Variants in MGST1 observed in about 807,000 individuals in gnomAD.
MGST1 encodes the protein glutathione S-transferase 12.
A neutral mutation model predicts 8.9 loss-of-function variants in MGST1; 5 were observed. The ratio of observed to expected loss-of-function variants is 0.56; its 90% CI spans 0.29 to 1.19. The LOEUF (loss-of-function observed/expected upper bound fraction) is 1.19. Ranked by LOEUF, MGST1 falls within the 50% of genes most tolerant of loss-of-function variation. The probability of loss-of-function intolerance (pLI) is 0.08; values close to 1 mark genes in which losing one functional copy is unlikely to be tolerated. For synonymous variants in MGST1, 54 were observed against 67.8 expected, an observed-to-expected ratio of 0.80 and a Z score of 1.00; for missense variants, 182 against 187.4, an observed-to-expected ratio of 0.97 and a Z score of 0.17.
chr12:16,535,397 T>C lies in MGST1; in HGVS notation n.483-54131T>C, dbSNP rs146146144. On this transcript the variant is annotated intron_variant and non_coding_transcript_variant, in intron 4 of 4. Transcript: ENST00000538857. ...GGGAAAGGTAATGATATTTAGAAAT[T>C]TGGGGGACCTACTAAGAATTATAAA... Among the ~76,000 whole-genome samples the C allele has an allele frequency of 2.6e-3, 392 of 152,182 alleles. 3 individuals are homozygous for C. Among genetic ancestry groups the C allele is most frequent in the African/African-American group, 9.2e-3 (384 of 41,520 alleles).
chr12:16,502,336 T>C (rs1316036223), intron 4 of MGST1, among the ~76,000 whole-genome samples: 1 of 152,210 alleles, frequency 6.6e-6, no homozygotes, highest in Non-Finnish European at 1.5e-5. Context: ...AATTTGAAGT[T>C]AACTCCCCAA....
chr12:16,559,058 G>C lies in MGST1; in HGVS notation n.483-30470G>C, dbSNP rs528890652. On this transcript the variant is annotated intron_variant and non_coding_transcript_variant, in intron 4 of 4. Coordinates refer to the MGST1 transcript ENST00000538857. This position sits in a 1 kb window ranked among gnomAD's most constrained non-coding sequence, Gnocchi z 4.1. ...TCACATTCTTTCTACTATTCTACAG[G>C]GTCTCATAAGAAGATTCTGCATCAA... 6.6e-6 allele frequency among the ~76,000 whole-genome samples: 1 copy of C among 151,946 alleles called. No homozygotes were observed. The highest frequency in any genetic ancestry group is 2.4e-5 in the African/African-American group (1 of 41,438).
intron 4 of MGST1, among the ~76,000 whole-genome samples, chr12:16,541,044 A>G (rs1941790370): frequency 6.6e-6 from 1 of 152,246 alleles, no homozygotes. Context: ...CACATATATT[A>G]GGGAAAAGAA....
intron 1 of MGST1, among the ~76,000 whole-genome samples, chr12:16,412,312 A>G (rs769581203): frequency 2.0e-5 from 2 of 100,572 alleles, no homozygotes; most frequent in Non-Finnish European, 3.8e-5. Flanking sequence ...AACATGGTAG[A>G]TAGTCTAACT....
chr12:16,386,422 CCGAAAATTACTCAGA>C (rs1157559995), intron 1 of MGST1, among the ~76,000 whole-genome samples: 1 of 152,142 alleles, frequency 6.6e-6, no homozygotes, highest in Non-Finnish European at 1.5e-5. Flanking sequence ...TATGGCAATG[CCGAAAATTACTCAGA>C]CTGTGCAGAA....
chr12:16,455,282 C>A (rs1009113301), intron 4 of MGST1, among the ~76,000 whole-genome samples: 1 of 151,796 alleles, frequency 6.6e-6, no homozygotes, highest in African/African-American at 2.4e-5. Context: ...ATTCTCTCAA[C>A]AAATTTATGA....
chr12:16,462,373 A>G (rs1020934700), intron 4 of MGST1, among the ~76,000 whole-genome samples: 3 of 152,174 alleles, frequency 2.0e-5, no homozygotes, highest in African/African-American at 7.2e-5. Flanking sequence ...GAGACCTTCT[A>G]GTTCTTGATC....
chr12:16,439,238 T>C (rs779383575), downstream of MGST1, among the ~76,000 whole-genome samples: 4 of 151,850 alleles, frequency 2.6e-5, no homozygotes, highest in Non-Finnish European at 4.4e-5. Context: ...ATGGGCAACA[T>C]TAAAAATGTA....
chr12:16,514,672 G>C (rs1490790982), intron 4 of MGST1, among the ~76,000 whole-genome samples: 1 of 150,492 alleles, frequency 6.6e-6, no homozygotes, highest in East Asian at 2.3e-4. Context: ...ACCAAGTAAT[G>C]TCCCTGGTGC....
At chr12:16,409,346 A>C (rs1400273180) in intron 1 of MGST1, among the ~76,000 whole-genome samples, 1 of 152,010 alleles carries the variant, frequency 6.6e-6, no homozygotes, top group Admixed American at 6.6e-5. Context: ...ATATATTCTG[A>C]AAGGAATCTC....
intron 4 of MGST1, among the ~76,000 whole-genome samples, chr12:16,495,482 T>A (rs1941463852): frequency 1.3e-5 from 2 of 152,032 alleles, no homozygotes; most frequent in Non-Finnish European, 2.9e-5. Flanking sequence ...AAGAAAAGAA[T>A]AAAATTCAAA....
chr12:16,411,895 G>C (rs1434684040), intron 1 of MGST1, among the ~76,000 whole-genome samples: 2 of 152,102 alleles, frequency 1.3e-5, no homozygotes, highest in Admixed American at 1.3e-4. Flanking sequence ...TACAGAGTTA[G>C]ATAAGTTCTC....
intron 4 of MGST1, among the ~76,000 whole-genome samples, chr12:16,474,890 A>G (rs1381796987): frequency 6.6e-6 from 1 of 152,216 alleles, no homozygotes; most frequent in Non-Finnish European, 1.5e-5. Flanking sequence ...TTATTGGGAT[A>G]AGAATAAAAT....
chr12:16,456,838 T>G (rs1941177711), intron 4 of MGST1, among the ~76,000 whole-genome samples: 1 of 151,898 alleles, frequency 6.6e-6, no homozygotes, highest in Admixed American at 6.6e-5. Flanking sequence ...TGTGAAATTC[T>G]GTCAATTCAG....
intron 1 of MGST1, among the ~76,000 whole-genome samples, chr12:16,405,956 C>G (rs1940695367): frequency 6.6e-6 from 1 of 152,196 alleles, no homozygotes; most frequent in Non-Finnish European, 1.5e-5. Context: ...CAACATCATA[C>G]TGAATGGGCA....
intron 4 of MGST1, among the ~76,000 whole-genome samples, chr12:16,488,706 A>G (rs973223834): frequency 2.6e-5 from 4 of 152,170 alleles, no homozygotes; most frequent in African/African-American, 9.6e-5. Context: ...ATTTCAAAAT[A>G]AAATAAAATT....
At chr12:16,479,580 C>T (rs967685534) in intron 4 of MGST1, among the ~76,000 whole-genome samples, 1 of 142,380 alleles carries the variant, frequency 7.0e-6, no homozygotes, top group Non-Finnish European at 1.5e-5. Flanking sequence ...GTGGCCCATG[C>T]TGGAGTAAGG....
intron 1 of MGST1, among the ~76,000 whole-genome samples, chr12:16,387,056 A>G (rs968310740): frequency 6.6e-6 from 1 of 152,202 alleles, no homozygotes; most frequent in Non-Finnish European, 1.5e-5. Context: ...CTATTTTATT[A>G]TTAGTTACTA....
intron 4 of MGST1, among the ~76,000 whole-genome samples, chr12:16,571,091 ATT>A (rs1242909133): frequency 6.6e-6 from 1 of 152,114 alleles, no homozygotes; most frequent in African/African-American, 2.4e-5. Context: ...TTTATTTAAT[ATT>A]TTATCTTACC....
Sources: allele counts gnomAD v4.1 joint callset (sites outside exome capture counted in the v4.1 genomes callset), GRCh38; gene constraint gnomAD v4.1.1; non-coding constraint Gnocchi (gnomAD v3.1); transcripts MANE v1.5; gene names NCBI Gene and HGNC (gene_info 2026-07-23, HGNC 2026-07-21).